ANKRD31: variants seen among roughly 807,000 people sequenced by gnomAD.
ANKRD31 encodes ankyrin repeat domain-containing protein 31.
ANKRD31 carries 147 observed loss-of-function variants against 186.0 expected under a neutral mutation model. The observed-to-expected ratio is 0.79, with a 90% CI of 0.69 to 0.91. ANKRD31 has a LOEUF of 0.91. Ranked by LOEUF, ANKRD31 falls within the 40% of genes least tolerant of loss-of-function variation. ANKRD31 has a pLI of 0.00. For synonymous variants in ANKRD31, 673 were observed against 736.4 expected, an observed-to-expected ratio of 0.91 and a Z score of 1.39; for missense variants, 1,986 against 2,148.8, an observed-to-expected ratio of 0.92 and a Z score of 1.50.
intron 14 of ANKRD31, among the ~76,000 whole-genome samples, chr5:75,144,518 G>A (rs994674345): frequency 9.2e-5 from 14 of 152,208 alleles, no homozygotes; most frequent in African/African-American, 2.2e-4. Flanking sequence ...AATAAATGGT[G>A]TTGGGAAAAC....
Position 75,146,589 on chromosome 5 carries a change from C to T in ANKRD31, c.2822G>A (p.Gly941Asp). The change falls in exon 14 of 26, where the codon GGT (glycine) becomes GAT (aspartate). Residue 941 changes from glycine to aspartate, a missense_variant. Coordinates refer to ENST00000506364, the MANE Select transcript of ANKRD31 (RefSeq NM_001372053.1). Reference protein sequence around the residue: ...KENLTNKKEMGFQQFLLSEDH... With the variant: ...KENLTNKKEMDFQQFLLSEDH... ...TTCAGAAAGTAAAAACTGTTGGAAA[C>T]CCATTTCTTTTTTATTTGTTAAATT... 6.5e-6 allele frequency: 10 copies of T among 1,535,414 alleles called. No individual in the cohort carries two copies. The highest frequency in any genetic ancestry group is 8.7e-6 in the Non-Finnish European group (10 of 1,146,050).
rs191576797 is a variant in ANKRD31, at chr5:75,144,344, C to G, written c.3425-173G>C. Among the ~76,000 whole-genome samples the G allele has an allele frequency of 7.2e-5, 11 of 152,182 alleles. No homozygotes were observed. In the East Asian group the frequency reaches 2.1e-3, roughly 29 times the overall value. On this transcript the variant is annotated intron_variant, in intron 14 of 25. Transcript: ENST00000506364. ...GACAAAAAGTTTGCTGGTTGCAGCT[C>G]TGATGGGAATATAGTAGATAGTTGA...
At chr5:75,143,028 G>A (rs1420863448) in intron 15 of ANKRD31, among the ~76,000 whole-genome samples, 2 of 152,052 alleles carry the variant, frequency 1.3e-5, no homozygotes, top group Admixed American at 6.6e-5. Context: ...AAGTGTCAAC[G>A]GGGCTGTACT....
intron 11 of ANKRD31, among the ~76,000 whole-genome samples, 165 bp from the exon 12 acceptor site, chr5:75,154,510 C>T (rs571545704): frequency 2.0e-5 from 3 of 151,616 alleles, no homozygotes; most frequent in African/African-American, 7.3e-5. Context: ...GTAGTTGCTA[C>T]TGAATTTTAA....
At chr5:75,188,789 G>A in intron 9 of ANKRD31, 141 bp from the exon 10 acceptor site, 4 of 667,340 alleles carry the variant, frequency 6.0e-6, no homozygotes, top group Non-Finnish European at 9.5e-6. Context: ...TAGAAGTGAA[G>A]TATATTATGA....
In ANKRD31 at chr5:75,192,690, T is replaced by C; in HGVS notation, c.1385A>G (p.Asn462Ser). Reference protein sequence around the residue: ...RFKNGKQIRKNEQFSGKKEKM... With the variant: ...RFKNGKQIRKSEQFSGKKEKM... The stretch of plus-strand genomic sequence containing the variant: ...ACCTTTTTTTCCTGAAAATTGTTCA[T>C]TTTTCCTGATCTGTTTTCCATTCTT... The change falls in exon 9 of 26, where the codon AAT becomes AGT. Residue 462 changes from asparagine (N) to serine (S), a missense_variant. By Grantham distance (46) the Asn-to-Ser change is conservative. Transcript: ENST00000506364. 1 of 1,532,298 alleles carries C rather than the reference T, an allele frequency of 6.5e-7. No individual in the cohort carries two copies. The highest frequency in any genetic ancestry group is 1.2e-5 in the South Asian group (1 of 83,098). 94.9% of individuals were successfully genotyped at this position (1,532,298 alleles called of 1,614,324 possible). A position where few individuals can be genotyped will look rare whatever the true frequency, so the allele number is the denominator to read the frequency against.
intron 17 of ANKRD31, among the ~76,000 whole-genome samples, chr5:75,130,738 G>A (rs901268266): frequency 1.7e-4 from 25 of 144,894 alleles, no homozygotes; most frequent in South Asian, 6.8e-4. Flanking sequence ...AAAGTTCTCC[G>A]GGTCCCCACC....
intron 24 of ANKRD31, among the ~76,000 whole-genome samples, chr5:75,081,302 C>G (rs1310198373): frequency 1.3e-5 from 2 of 151,952 alleles, no homozygotes; most frequent in Non-Finnish European, 2.9e-5. Context: ...GAGCTTCGCT[C>G]TTGTCACCCA....
At chr5:75,127,018 A>G (rs372664551) in intron 17 of ANKRD31, among the ~76,000 whole-genome samples, 2 of 152,028 alleles carry the variant, frequency 1.3e-5, no homozygotes, top group African/African-American at 4.8e-5. Flanking sequence ...CCCCATCTCT[A>G]CTAAAACTAC....
chr5:75,133,550 C>T (rs10134074), intron 17 of ANKRD31, among the ~76,000 whole-genome samples: 1 of 152,058 alleles, frequency 6.6e-6, no homozygotes, highest in Non-Finnish European at 1.5e-5. Context: ...ACTTAGACTC[C>T]CACACAATAA....
At chr5:75,235,365 G>C (rs1409587951) in intron 1 of ANKRD31, among the ~76,000 whole-genome samples, 2 of 149,954 alleles carry the variant, frequency 1.3e-5, no homozygotes, top group Admixed American at 1.3e-4. Context: ...AACTCCGAAT[G>C]AATATTTTTT....
At chr5:75,137,728 T>C (rs978836079) in intron 17 of ANKRD31, 128 bp downstream of exon 17, 13 of 797,256 alleles carry the variant, frequency 1.6e-5, no homozygotes, top group Non-Finnish European at 2.3e-5. Flanking sequence ...CATTTGTAAT[T>C]TGAAGCAGGT....
At chr5:75,083,119 T>A (rs1745211988) in intron 24 of ANKRD31, among the ~76,000 whole-genome samples, 1 of 152,270 alleles carries the variant, frequency 6.6e-6, no homozygotes, top group Admixed American at 6.5e-5. Flanking sequence ...AATTCATTTA[T>A]GTTTCATATA....
At chr5:75,178,082 T>C (rs1004263690) in intron 10 of ANKRD31, among the ~76,000 whole-genome samples, 1 of 152,118 alleles carries the variant, frequency 6.6e-6, no homozygotes, top group African/African-American at 2.4e-5. Context: ...GGGGTTGCAA[T>C]CTGAGTCTCA....
chr5:75,070,535 G>T (rs1209853736), intron 25 of ANKRD31, among the ~76,000 whole-genome samples: 1 of 152,170 alleles, frequency 6.6e-6, no homozygotes, highest in Non-Finnish European at 1.5e-5. Flanking sequence ...ATTTTAAGAG[G>T]TTCTGCCAGA....
At chr5:75,155,217 G>A (rs1445139330) in intron 11 of ANKRD31, among the ~76,000 whole-genome samples, 1 of 151,612 alleles carries the variant, frequency 6.6e-6, no homozygotes, top group African/African-American at 2.4e-5. Flanking sequence ...AGTCAGCCGT[G>A]GTTAATTTAT....
chr5:75,183,054 T>C (rs1226462953), intron 10 of ANKRD31, among the ~76,000 whole-genome samples: 2 of 152,210 alleles, frequency 1.3e-5, no homozygotes, highest in Non-Finnish European at 2.9e-5. Context: ...AAAAAGATTA[T>C]TCATTATGAT....
chr5:75,169,130 C>A lies in ANKRD31; in HGVS notation c.1565-9G>T. 2.0e-6 allele frequency: 3 copies of A among 1,531,448 alleles called. No homozygotes were observed. The highest frequency in any genetic ancestry group is 2.6e-6 in the Non-Finnish European group (3 of 1,142,838). The allele number at this position is 1,531,448 out of a possible 1,614,324, so 94.9% of individuals were successfully genotyped here. A position where few individuals can be genotyped will look rare whatever the true frequency, so the allele number is the denominator to read the frequency against. ...ATGAAGTGCTGTCCAACCTATCATA[C>A]AAAAAGATACGGCATTTGTTTACAT... On this transcript the variant is annotated splice_polypyrimidine_tract_variant and intron_variant, in intron 10 of 25. Coordinates refer to ENST00000506364, the MANE Select transcript of ANKRD31 (RefSeq NM_001372053.1).
At chr5:75,136,906 T>C (rs918995267) in intron 17 of ANKRD31, among the ~76,000 whole-genome samples, 1 of 151,846 alleles carries the variant, frequency 6.6e-6, no homozygotes, top group African/African-American at 2.4e-5. Flanking sequence ...GAGCAAATTA[T>C]CACAAGGACA....
Sources: gnomAD v4.1 joint callset for allele counts (sites outside exome capture counted in the v4.1 genomes callset) on GRCh38, gnomAD v4.1.1 for gene constraint, MANE v1.5 for transcripts, NCBI Gene and HGNC (gene_info 2026-07-23, HGNC 2026-07-21) for gene names.